The following SHANK2 variants were observed in gnomAD, a reference collection of about 807,000 sequenced individuals.
SHANK2 encodes SH3 and multiple ankyrin repeat domains 2.
A neutral mutation model predicts 133.7 loss-of-function variants in SHANK2; 43 were observed. The observed-to-expected ratio is 0.32, with a 90% CI of 0.25 to 0.41. SHANK2 has a LOEUF of 0.41. Among genes scored for constraint, SHANK2 ranks in the 10% least tolerant of loss-of-function variants. The pLI, the probability that SHANK2 is intolerant of heterozygous loss-of-function variation, is 1.00. For synonymous variants in SHANK2, 1,017 were observed against 952.8 expected (o/e 1.07, Z -1.24); for missense variants, 1,994 against 2,235.8 (o/e 0.89, Z 2.18).
In SHANK2 at chr11:70,596,969, T is replaced by C. The variant is rs901764639; in HGVS notation, c.2061+62859A>G. ...TGCAAGCGCAGACATCCTCAGATCCTATGAACAAAGCTGCATACTTGTGCA... is the reference window on the plus strand; with the variant it reads ...TGCAAGCGCAGACATCCTCAGATCCCATGAACAAAGCTGCATACTTGTGCA... On this transcript the variant is annotated intron_variant, in intron 17 of 25. Transcript: ENST00000601538. Among the ~76,000 whole-genome samples, 16 of 152,260 alleles carry C rather than the reference T, an allele frequency of 1.1e-4. No homozygotes were observed. The East Asian group carries it at 2.7e-3, about 26-fold the overall frequency.
chr11:71,159,872 G>T (rs1194112525), intron 2 of SHANK2, among the ~76,000 whole-genome samples: 2 of 151,652 alleles, frequency 1.3e-5, no homozygotes, highest in African/African-American at 4.8e-5. Flanking sequence ...CTGTAGTCCT[G>T]GCTACTTGGG....
intron 14 of SHANK2, among the ~76,000 whole-genome samples, chr11:70,750,313 T>C (rs565976611): frequency 6.6e-6 from 1 of 152,344 alleles, no homozygotes; most frequent in Non-Finnish European, 1.5e-5. Context: ...TTCCCTTTCA[T>C]TCTTTATTGC....
chr11:70,624,615 A>AC (rs1422013322), intron 17 of SHANK2, among the ~76,000 whole-genome samples: 5 of 151,786 alleles, frequency 3.3e-5, no homozygotes, highest in African/African-American at 1.2e-4. Flanking sequence ...GCCCCCCCAA[A>AC]CCCCAGGGAA....
chr11:71,210,360 T>A (rs927906649), intron 2 of SHANK2, among the ~76,000 whole-genome samples: 4 of 150,608 alleles, frequency 2.7e-5, no homozygotes, highest in African/African-American at 4.9e-5. Context: ...GCCATTCTCC[T>A]GCCTCAGCCT....
At chr11:70,806,218 G>A (rs531713888) in intron 13 of SHANK2, among the ~76,000 whole-genome samples, 9 of 152,268 alleles carry the variant, frequency 5.9e-5, no homozygotes, top group East Asian at 3.9e-4. Context: ...GGCAGGGCCC[G>A]GCATGCTGCC....
At chr11:70,510,187 T>G (rs1554969088) in intron 17 of SHANK2, among the ~76,000 whole-genome samples, 1 of 152,134 alleles carries the variant, frequency 6.6e-6, no homozygotes, top group Non-Finnish European at 1.5e-5. Context: ...CCTGCAGAGA[T>G]GGCAGAGGCA....
chr11:70,742,754 C>T (rs912180754), intron 14 of SHANK2, among the ~76,000 whole-genome samples: 2 of 152,204 alleles, frequency 1.3e-5, no homozygotes, highest in Non-Finnish European at 2.9e-5. Flanking sequence ...TGACTGGCTG[C>T]CGGAGATAAG....
chr11:70,687,019 C>G (rs1945171325), intron 15 of SHANK2, among the ~76,000 whole-genome samples: 1 of 152,240 alleles, frequency 6.6e-6, no homozygotes, highest in Non-Finnish European at 1.5e-5. Context: ...CTGGGTCAGG[C>G]CCTGGAATCC....
intron 17 of SHANK2, among the ~76,000 whole-genome samples, chr11:70,558,870 T>C (rs1020819826): frequency 1.3e-5 from 2 of 152,146 alleles, no homozygotes; most frequent in Non-Finnish European, 2.9e-5. Context: ...AGCTGCTGCA[T>C]GGAGAGAAAG....
intron 12 of SHANK2, among the ~76,000 whole-genome samples, chr11:70,816,127 G>A (rs964229269): frequency 4.6e-5 from 7 of 152,242 alleles, no homozygotes; most frequent in South Asian, 2.1e-4. Flanking sequence ...AGTGGCCGAC[G>A]TTTCTGCAGA....
chr11:70,702,341 C>CT (rs1945550727), intron 14 of SHANK2, among the ~76,000 whole-genome samples: 4 of 151,608 alleles, frequency 2.6e-5, no homozygotes, highest in Non-Finnish European at 4.4e-5. Flanking sequence ...TCATCACCAA[C>CT]ACCATCACCA....
In SHANK2 at chr11:71,094,549, T is replaced by C. The variant is rs541093387; in HGVS notation, c.732A>G (p.Gln244=). The change falls in exon 7 of 26, where the codon CAA becomes CAG. Residue 244 remains glutamine (Q), a synonymous_variant. Coordinates refer to ENST00000601538, the MANE Select transcript of SHANK2 (RefSeq NM_012309.5). Reference sequence around the variant, plus strand: ...GGCCCGAGTTTACCTTCAGGGCAACTTGGTTCCTCGCTCGGGCAGCTTTGT... The same window carrying C: ...GGCCCGAGTTTACCTTCAGGGCAACCTGGTTCCTCGCTCGGGCAGCTTTGT... The part of the protein sequence containing the change: ...ALHKAARARN[Q]VALKTLLELG... 6.4e-7 allele frequency: 1 copy of C among 1,550,810 alleles called. No individual in the cohort carries two copies. Among genetic ancestry groups the C allele is most frequent in the African/African-American group, 1.4e-5 (1 of 73,130 alleles).
chr11:71,119,849 G>A (rs1253008681), intron 3 of SHANK2, among the ~76,000 whole-genome samples: 6 of 152,244 alleles, frequency 3.9e-5, no homozygotes, highest in Middle Eastern at 3.4e-3. Flanking sequence ...CACAGCCCGC[G>A]CATATTTCAA....
intron 14 of SHANK2, among the ~76,000 whole-genome samples, chr11:70,772,858 G>A (rs1400328229): frequency 2.0e-5 from 3 of 152,202 alleles, no homozygotes; most frequent in African/African-American, 2.4e-5. Flanking sequence ...GTACAAAAGC[G>A]TCTTGCTTGG....
intron 3 of SHANK2, among the ~76,000 whole-genome samples, chr11:71,122,817 C>A (rs1377643290): frequency 6.6e-6 from 1 of 152,118 alleles, no homozygotes; most frequent in African/African-American, 2.4e-5. Context: ...CAGATTCCCC[C>A]TCAAGCCTCA....
At chr11:70,850,264 C>T (rs1949065163) in intron 11 of SHANK2, among the ~76,000 whole-genome samples, 1 of 152,184 alleles carries the variant, frequency 6.6e-6, no homozygotes, top group Non-Finnish European at 1.5e-5. Context: ...AACAACATGT[C>T]CAAGATCACA....
At chr11:70,821,952 G>T (rs934816501) in intron 11 of SHANK2, among the ~76,000 whole-genome samples, 1 of 152,202 alleles carries the variant, frequency 6.6e-6, no homozygotes, top group African/African-American at 2.4e-5. Context: ...CACTCAATGA[G>T]ACCAGGGGCT....
At chr11:70,744,746 T>C (rs1555035606) in intron 14 of SHANK2, among the ~76,000 whole-genome samples, 3 of 152,208 alleles carry the variant, frequency 2.0e-5, no homozygotes, top group East Asian at 3.8e-4. Flanking sequence ...TTGGGGCCAA[T>C]AGCCCTGGGC....
chr11:70,622,942 C>T (rs535840830), intron 17 of SHANK2, among the ~76,000 whole-genome samples: 4 of 152,110 alleles, frequency 2.6e-5, no homozygotes, highest in Admixed American at 1.3e-4. Context: ...TTTGGGAGGC[C>T]GAGGCGGGTG....
Sources: gnomAD v4.1 joint callset for allele counts (sites outside exome capture counted in the v4.1 genomes callset) on GRCh38, gnomAD v4.1.1 for gene constraint, MANE v1.5 for transcripts, NCBI Gene and HGNC (gene_info 2026-07-23, HGNC 2026-07-21) for gene names.